The following SGK3 variants were observed in gnomAD, a reference collection of about 807,000 sequenced individuals.
The protein encoded by SGK3 is serine/threonine-protein kinase Sgk3.
Under a neutral mutation model 68.5 loss-of-function variants are expected in SGK3, and 47 were observed. The observed-to-expected ratio is 0.69, with a 90% CI of 0.54 to 0.87. The LOEUF (loss-of-function observed/expected upper bound fraction) is 0.87, where lower values mean the gene tolerates loss of function less well. Ranked by LOEUF, SGK3 falls within the 40% of genes least tolerant of loss-of-function variation. The probability of loss-of-function intolerance (pLI) is 0.00; values close to 1 mark genes in which losing one functional copy is unlikely to be tolerated. For missense variants in SGK3, 479 were observed against 575.5 expected (o/e 0.83, Z 1.72); for synonymous variants, 181 against 189.1 (o/e 0.96, Z 0.35).
intron 1 of SGK3, among the ~76,000 whole-genome samples, chr8:66,774,456 C>G (rs1806616856): frequency 6.6e-6 from 1 of 152,074 alleles, no homozygotes; most frequent in Non-Finnish European, 1.5e-5. Flanking sequence ...GCGCCCTACT[C>G]GGTTATTGGC....
At chr8:66,800,375 A>ATT (rs1807887362) in intron 3 of SGK3, among the ~76,000 whole-genome samples, 1 of 110,182 alleles carries the variant, frequency 9.1e-6, no homozygotes, top group Non-Finnish European at 1.9e-5. Flanking sequence ...GAGTTTTTTC[A>ATT]TTTCTTTTTT....
intron 10 of SGK3, among the ~76,000 whole-genome samples, chr8:66,839,119 C>G (rs531032633): frequency 2.6e-5 from 4 of 151,984 alleles, no homozygotes; most frequent in African/African-American, 7.2e-5. Context: ...GGGCAGAAAC[C>G]CTGTCATCCC....
chr8:66,852,537 C>A (rs763938834), intron 16 of SGK3, among the ~76,000 whole-genome samples: 4 of 152,096 alleles, frequency 2.6e-5, no homozygotes, highest in Non-Finnish European at 5.9e-5. Flanking sequence ...CCTCAGCCTC[C>A]CAGAGTGCTG....
At chr8:66,749,430 C>T (rs1342984241) in intron 1 of SGK3, among the ~76,000 whole-genome samples, 1 of 152,016 alleles carries the variant, frequency 6.6e-6, no homozygotes, top group Non-Finnish European at 1.5e-5. Flanking sequence ...AGTAAAAACC[C>T]AGCTATTCAG....
At chr8:66,820,683 T>A (rs1474190263) in intron 5 of SGK3, among the ~76,000 whole-genome samples, 1 of 152,070 alleles carries the variant, frequency 6.6e-6, no homozygotes, top group Non-Finnish European at 1.5e-5. Flanking sequence ...CCAATTCTTT[T>A]TATTTTTATT....
intron 8 of SGK3, 65 bp downstream of exon 8, chr8:66,831,376 T>C: frequency 6.3e-7 from 1 of 1,580,628 alleles, no homozygotes; most frequent in Non-Finnish European, 8.7e-7. Flanking sequence ...AGACAGGGTC[T>C]CACTCTGTTG....
intron 1 of SGK3, among the ~76,000 whole-genome samples, chr8:66,757,184 T>C (rs1380096138): frequency 1.3e-5 from 2 of 149,790 alleles, no homozygotes; most frequent in Non-Finnish European, 3.0e-5. Flanking sequence ...CAGGCTGGAA[T>C]GCAGTGGCAT....
chr8:66,725,561 C>T (rs1043214631), intron 1 of SGK3, among the ~76,000 whole-genome samples: 1 of 151,664 alleles, frequency 6.6e-6, no homozygotes, highest in Non-Finnish European at 1.5e-5. Flanking sequence ...CCGGAGTTTC[C>T]TGACTTAAAA....
intron 4 of SGK3, among the ~76,000 whole-genome samples, chr8:66,808,326 A>G (rs924941196): frequency 2.0e-5 from 3 of 152,222 alleles, no homozygotes; most frequent in Admixed American, 6.5e-5. Flanking sequence ...TTTTGACTGT[A>G]TATTCTTCAT....
At chr8:66,794,049 A>G (rs1212453455) in intron 2 of SGK3, among the ~76,000 whole-genome samples, 5 of 152,188 alleles carry the variant, frequency 3.3e-5, no homozygotes, top group Admixed American at 6.5e-5. Flanking sequence ...TTCTTGGAGA[A>G]TTGTATGAAA....
At chr8:66,750,831 C>T (rs1288251194) in intron 1 of SGK3, among the ~76,000 whole-genome samples, 1 of 150,414 alleles carries the variant, frequency 6.6e-6, no homozygotes, top group Admixed American at 6.6e-5. Flanking sequence ...ATGGCAAAAC[C>T]CCATCTCTAC....
At chr8:66,793,517 A>T (rs899097238) in intron 1 of SGK3, 99 bp from the exon 2 acceptor site, 5 of 397,904 alleles carry the variant, frequency 1.3e-5, no homozygotes, top group African/African-American at 8.1e-5. Flanking sequence ...GTAGGTTCCT[A>T]TCAGAATAAA....
At chr8:66,734,471 C>T (rs1805260172) in intron 1 of SGK3, among the ~76,000 whole-genome samples, 1 of 152,096 alleles carries the variant, frequency 6.6e-6, no homozygotes, top group African/African-American at 2.4e-5. Flanking sequence ...ACTCTTTACA[C>T]ATTCATTTGA....
In SGK3 at chr8:66,848,512, T is replaced by G. The variant is rs188637530; in HGVS notation, c.1230+1164T>G. Among the ~76,000 whole-genome samples the G allele has an allele frequency of 3.9e-4, 60 of 152,312 alleles. No individual in the cohort carries two copies. In the East Asian group the frequency reaches 0.01, roughly 26 times the overall value. On this transcript the variant is annotated intron_variant, in intron 15 of 16. Coordinates refer to ENST00000521198, the MANE Select transcript of SGK3 (RefSeq NM_001033578.3). ...TGTAAGGAAAATAGAACCATTAGAG[T>G]GGAGCTAACTTAGCTTCCTGCTATC...
intron 6 of SGK3, among the ~76,000 whole-genome samples, chr8:66,824,373 T>G (rs1808969282): frequency 6.6e-6 from 1 of 152,142 alleles, no homozygotes; most frequent in Admixed American, 6.5e-5. Context: ...GAAGGAATAC[T>G]CTTAGTAAAA....
In SGK3 at chr8:66,723,121, A is replaced by T. The variant is rs1341574280; in HGVS notation, c.-122+10288A>T. Among the ~76,000 whole-genome samples the T allele has an allele frequency of 1.1e-3, 54 of 50,852 alleles. 2 individuals carry two copies. The highest frequency in any genetic ancestry group is 5.0e-3 in the African/African-American group (52 of 10,326). The allele number at this position is 50,852 out of a possible 152,430, so 33.4% of individuals were successfully genotyped here. A position where few individuals can be genotyped will look rare whatever the true frequency, so the allele number is the denominator to read the frequency against. ...TATATATATATATATATATATATAT[A>T]TATATATATATTTTTTTTTTTTTTT... is the stretch of plus-strand genomic sequence containing the variant. On this transcript the variant is annotated intron_variant, in intron 1 of 16. Coordinates refer to ENST00000521198, the MANE Select transcript of SGK3 (RefSeq NM_001033578.3).
intron 2 of SGK3, among the ~76,000 whole-genome samples, chr8:66,797,562 G>A (rs1351386026): frequency 6.6e-6 from 1 of 152,028 alleles, no homozygotes; most frequent in Admixed American, 6.6e-5. Flanking sequence ...TTACTTCATA[G>A]GGTTGTTGAT....
intron 6 of SGK3, among the ~76,000 whole-genome samples, chr8:66,828,338 G>T (rs1809152117): frequency 6.6e-6 from 1 of 152,120 alleles, no homozygotes; most frequent in South Asian, 2.1e-4. Context: ...CTCTTAAATT[G>T]CAGTTGCAAT....
intron 8 of SGK3, among the ~76,000 whole-genome samples, chr8:66,835,131 A>G (rs770468307): frequency 1.3e-5 from 2 of 150,850 alleles, no homozygotes; most frequent in African/African-American, 4.9e-5. Flanking sequence ...TTAGCCAGGT[A>G]TGGTGGCACA....
Sources: gnomAD v4.1 joint callset for allele counts (sites outside exome capture counted in the v4.1 genomes callset) on GRCh38, gnomAD v4.1.1 for gene constraint, MANE v1.5 for transcripts, NCBI Gene and HGNC (gene_info 2026-07-23, HGNC 2026-07-21) for gene names.